OTUD7A: variants seen among roughly 807,000 people sequenced by gnomAD.
The protein encoded by OTUD7A is OTU domain-containing protein 7A.
A neutral mutation model predicts 65.7 loss-of-function variants in OTUD7A; 12 were observed. The ratio of observed to expected loss-of-function variants is 0.18; its 90% CI spans 0.12 to 0.30. OTUD7A has a LOEUF of 0.30. OTUD7A is among the 10% of genes least tolerant of loss of function. The probability of loss-of-function intolerance (pLI) is 1.00; values close to 1 mark genes in which losing one functional copy is unlikely to be tolerated. For missense variants in OTUD7A, 1,148 were observed against 1,304.8 expected (o/e 0.88, Z 1.85); for synonymous variants, 641 against 586.3 (o/e 1.09, Z -1.35).
intron 3 of OTUD7A, among the ~76,000 whole-genome samples, chr15:31,584,272 G>A (rs1012748020): frequency 6.6e-6 from 1 of 152,198 alleles, no homozygotes; most frequent in African/African-American, 2.4e-5. Context: ...GCACACTGAT[G>A]AATTACACAA....
intron 4 of OTUD7A, among the ~76,000 whole-genome samples, chr15:31,560,921 A>G (rs1368775771): frequency 6.6e-6 from 1 of 152,244 alleles, no homozygotes; most frequent in Non-Finnish European, 1.5e-5. Flanking sequence ...TTGCAAGAGC[A>G]CTGGACAGAA....
intron 1 of OTUD7A, among the ~76,000 whole-genome samples, chr15:31,723,391 GCCAC>G (rs1893798889): frequency 8.3e-5 from 1 of 12,070 alleles, no homozygotes; most frequent in African/African-American, 3.4e-4. Flanking sequence ...CGCACCGCAC[GCCAC>G]CCCCCCCCCC....
At chr15:31,755,167 TA>T (rs1183439094) in intron 1 of OTUD7A, among the ~76,000 whole-genome samples, 1 of 149,888 alleles carries the variant, frequency 6.7e-6, no homozygotes, top group Non-Finnish European at 1.5e-5. Context: ...GGAGAGAGAA[TA>T]AGGGAAGATA....
At chr15:31,800,506 T>C (rs1896092040) in intron 1 of OTUD7A, among the ~76,000 whole-genome samples, 1 of 152,122 alleles carries the variant, frequency 6.6e-6, no homozygotes, top group African/African-American at 2.4e-5. Flanking sequence ...TGTGGGGCCA[T>C]CAGGATGCAG....
intron 1 of OTUD7A, chr15:31,767,908 G>T: frequency 2.0e-6 from 3 of 1,506,908 alleles, no homozygotes; most frequent in East Asian, 2.3e-5. Context: ...TGAAGAGCTG[G>T]TTGTTATCAT....
intron 8 of OTUD7A, among the ~76,000 whole-genome samples, chr15:31,505,475 G>T (rs1458929207): frequency 6.6e-6 from 1 of 152,098 alleles, no homozygotes; most frequent in Non-Finnish European, 1.5e-5. Context: ...TCTAAGAGAA[G>T]TTACTATTTA....
intron 3 of OTUD7A, among the ~76,000 whole-genome samples, chr15:31,573,283 A>C (rs1347480373): frequency 6.6e-6 from 1 of 152,228 alleles, no homozygotes; most frequent in Non-Finnish European, 1.5e-5. Context: ...TTCTGTATAA[A>C]GGCTGTAGAC....
rs541921612 is a variant in OTUD7A, at chr15:31,753,702, T to TTA, written c.-99-96627_-99-96626dup. 5.4e-4 allele frequency among the ~76,000 whole-genome samples: 6 copies of TTA among 11,186 alleles called. 1 individual carries two copies. Among genetic ancestry groups the TTA allele is most frequent in the East Asian group, 9.6e-3 (2 of 208 alleles). 7.3% of individuals were successfully genotyped at this position (11,186 alleles called of 152,430 possible). A position where few individuals can be genotyped will look rare whatever the true frequency, so the allele number is the denominator to read the frequency against. On this transcript the variant is annotated intron_variant, in intron 1 of 12. Transcript: ENST00000307050. Reference sequence around the variant, plus strand: ...AACCTGTGAGATATATATATATATATTATATATATATATATATATTATATA... The same window carrying TTA: ...AACCTGTGAGATATATATATATATATTATATATATATATATATATATTATATA...
chr15:31,614,198 G>A (rs1890516783), intron 3 of OTUD7A, among the ~76,000 whole-genome samples: 1 of 152,042 alleles, frequency 6.6e-6, no homozygotes, highest in Non-Finnish European at 1.5e-5. Context: ...AGGGTGCAGT[G>A]TATTACTGCT....
rs773873053 is a variant in OTUD7A, at chr15:31,570,129, G to T, written c.220C>A (p.Leu74Met). The stretch of plus-strand genomic sequence containing the variant: ...CGCCCTTCATTGAACACATGTGGCA[G>T]ATTGGCTGTGTGCACCTGGCGGAGC... The part of the protein sequence containing the change: ...EQLRQVHTAN[L>M]PHVFNEGRGP... Residue 74 changes from leucine (L) to methionine (M), a missense_variant, in exon 4 of 13, where the codon CTG becomes ATG. Leu to Met is a conservative substitution (Grantham distance 15, BLOSUM62 2). Coordinates refer to ENST00000307050, the MANE Select transcript of OTUD7A (RefSeq NM_001382637.1). The T allele has an allele frequency of 3.1e-6, 5 of 1,614,230 alleles. No homozygotes were observed. The highest frequency in any genetic ancestry group is 2.2e-5 in the East Asian group (1 of 44,882).
chr15:31,688,138 T>A (rs1191440051), intron 1 of OTUD7A, among the ~76,000 whole-genome samples: 2 of 150,430 alleles, frequency 1.3e-5, no homozygotes, highest in East Asian at 3.9e-4. Context: ...ATTGCTTGAA[T>A]CCGGTAGGTG....
At chr15:31,616,164 A>G (rs560586505) in intron 3 of OTUD7A, among the ~76,000 whole-genome samples, 7 of 152,334 alleles carry the variant, frequency 4.6e-5, no homozygotes, top group African/African-American at 1.7e-4. Flanking sequence ...CTTTTGTTTC[A>G]GTGTCATGCT....
intron 3 of OTUD7A, among the ~76,000 whole-genome samples, chr15:31,581,617 T>C (rs1889374213): frequency 6.6e-6 from 1 of 152,246 alleles, no homozygotes; most frequent in South Asian, 2.1e-4. Flanking sequence ...CTGCCAAGGC[T>C]TGGGACTTGC....
intron 1 of OTUD7A, among the ~76,000 whole-genome samples, chr15:31,834,983 G>A (rs545000451): frequency 1.3e-5 from 2 of 152,306 alleles, no homozygotes; most frequent in South Asian, 2.1e-4. Context: ...ATGGGGAGGG[G>A]TGTAACACCC....
chr15:31,792,228 G>C (rs1039441521), intron 1 of OTUD7A, among the ~76,000 whole-genome samples: 3 of 152,106 alleles, frequency 2.0e-5, no homozygotes, highest in African/African-American at 7.2e-5. Context: ...CCTCTTGTCT[G>C]GCTGCCTGAA....
Position 31,526,511 on chromosome 15 carries a change from C to T in OTUD7A, c.781-50G>A, listed in dbSNP as rs1409752230. On this transcript the variant is annotated intron_variant, in intron 7 of 12. Transcript: ENST00000307050. ...AGGGGGGTGGGCCACAGCTGCGCTG[C>T]CCTCCTCTCCTCACCCTCCCAATCT... 7 of 1,418,176 alleles carry T rather than the reference C, an allele frequency of 4.9e-6. No individual in the cohort carries two copies. In the East Asian group the frequency reaches 1.8e-4, roughly 36 times the overall value. 87.8% of individuals were successfully genotyped at this position (1,418,176 alleles called of 1,614,324 possible). A position where few individuals can be genotyped will look rare whatever the true frequency, so the allele number is the denominator to read the frequency against.
intron 1 of OTUD7A, among the ~76,000 whole-genome samples, chr15:31,845,514 C>T (rs557289323): frequency 7.2e-5 from 11 of 152,354 alleles, no homozygotes; most frequent in Admixed American, 2.0e-4. Context: ...TCCAACCACA[C>T]GATGCACCCA....
At chr15:31,514,317 C>T (rs1276403147) in intron 8 of OTUD7A, among the ~76,000 whole-genome samples, 2 of 152,136 alleles carry the variant, frequency 1.3e-5, no homozygotes, top group African/African-American at 2.4e-5. Flanking sequence ...TCCCAAAGTG[C>T]TGGGATTACA....
intron 1 of OTUD7A, chr15:31,766,467 G>C: frequency 6.3e-7 from 1 of 1,590,256 alleles, no homozygotes; most frequent in Non-Finnish European, 8.6e-7. Flanking sequence ...AGAGTCTTCT[G>C]AAAGTTCTAT....
Sources: allele counts gnomAD v4.1 joint callset (sites outside exome capture counted in the v4.1 genomes callset), GRCh38; gene constraint gnomAD v4.1.1; transcripts MANE v1.5; gene names NCBI Gene and HGNC (gene_info 2026-07-23, HGNC 2026-07-21).